SLC7A14: variants seen among roughly 807,000 people sequenced by gnomAD.
SLC7A14 encodes solute carrier family 7 member 14.
SLC7A14 carries 37 observed loss-of-function variants against 60.2 expected under a neutral mutation model. That is an observed-to-expected ratio of 0.61 (90% CI 0.47 to 0.81). SLC7A14 has a LOEUF of 0.81. Ranked by LOEUF, SLC7A14 falls within the 30% of genes least tolerant of loss-of-function variation. SLC7A14 has a pLI of 0.00. For synonymous variants in SLC7A14, 399 were observed against 395.8 expected, an observed-to-expected ratio of 1.01 and a Z score of -0.10; for missense variants, 886 against 982.7, an observed-to-expected ratio of 0.90 and a Z score of 1.32.
At chr3:170,485,983 G>C (rs1303128807) in intron 5 of SLC7A14, among the ~76,000 whole-genome samples, 2 of 152,188 alleles carry the variant, frequency 1.3e-5, no homozygotes, top group Non-Finnish European at 2.9e-5. Flanking sequence ...GACACCAAGA[G>C]CTTGTGAGGA....
intron 2 of SLC7A14, among the ~76,000 whole-genome samples, chr3:170,503,404 T>A (rs1016354832): frequency 1.3e-5 from 2 of 152,118 alleles, no homozygotes; most frequent in Non-Finnish European, 2.9e-5. Context: ...ACGCATTAAA[T>A]ACAAGAACCT....
intron 7 of SLC7A14, among the ~76,000 whole-genome samples, chr3:170,470,254 ATG>A (rs1316390531): frequency 4.6e-5 from 7 of 151,256 alleles, no homozygotes; most frequent in Non-Finnish European, 8.8e-5. Context: ...TGCAGTAAAC[ATG>A]TGATAAGAGG....
At chr3:170,474,641 C>A (rs1421029226) in intron 7 of SLC7A14, among the ~76,000 whole-genome samples, 1 of 152,152 alleles carries the variant, frequency 6.6e-6, no homozygotes, top group African/African-American at 2.4e-5. Context: ...CAATTCATTG[C>A]TCTTTCTTTC....
At chr3:170,497,016 G>C (rs1250840290) in intron 4 of SLC7A14, among the ~76,000 whole-genome samples, 1 of 150,452 alleles carries the variant, frequency 6.6e-6, no homozygotes, top group Non-Finnish European at 1.5e-5. Flanking sequence ...CAGCCCACGC[G>C]CGGGGGAGTT....
chr3:170,511,592 A>T (rs956705373), intron 2 of SLC7A14, among the ~76,000 whole-genome samples: 1 of 152,120 alleles, frequency 6.6e-6, no homozygotes, highest in Non-Finnish European at 1.5e-5. Context: ...GTGGGAGCTT[A>T]GGGCCATTAT....
chr3:170,570,319 A>T (rs1714910579), intron 1 of SLC7A14: 1 of 152,412 alleles, frequency 6.6e-6, no homozygotes, highest in East Asian at 1.9e-4. Flanking sequence ...GTGGTGGCGC[A>T]TGCCTGTAGT....
chr3:170,498,852 C>T lies in SLC7A14; in HGVS notation c.574G>A (p.Ala192Thr), dbSNP rs199583232. 3 of 1,614,048 alleles carry T rather than the reference C, an allele frequency of 1.9e-6. No homozygotes were observed. Among genetic ancestry groups the T allele is most frequent in the Non-Finnish European group, 2.5e-6 (3 of 1,180,014 alleles). Residue 192 changes from alanine (A) to threonine (T), a missense_variant, in exon 4 of 8, where the codon GCT becomes ACT. Ala to Thr is a moderately conservative substitution (Grantham distance 58). Coordinates refer to ENST00000231706, the MANE Select transcript of SLC7A14 (RefSeq NM_020949.3). ...KGEESYPDLLALLIAVIVTII... is the reference protein window; with the variant it reads ...KGEESYPDLLTLLIAVIVTII... Reference sequence around the variant, plus strand: ...GTCACGATGACCGCGATCAACAGAGCCAGAAGGTCTGGGTATGATTCTTCA... The same window carrying T: ...GTCACGATGACCGCGATCAACAGAGTCAGAAGGTCTGGGTATGATTCTTCA...
intron 1 of SLC7A14, among the ~76,000 whole-genome samples, chr3:170,557,900 T>C (rs1321101648): frequency 6.6e-6 from 1 of 152,192 alleles, no homozygotes; most frequent in Non-Finnish European, 1.5e-5. Flanking sequence ...GCAAGACTTA[T>C]GACTCCGAAT....
Position 170,553,682 on chromosome 3 carries a change from G to A in SLC7A14, c.-152-26594C>T, listed in dbSNP as rs1024667984. Among the ~76,000 whole-genome samples, 17 of 152,288 alleles carry A rather than the reference G, an allele frequency of 1.1e-4. 1 individual carries two copies. Among genetic ancestry groups the A allele is most frequent in the African/African-American group, 1.2e-4 (5 of 41,564 alleles). ...TTGAAGAAGTCCTAGGACCTAAAAG[G>A]AGCCATAGTGCAGGGGCTTCTGAAA... On this transcript the variant is annotated intron_variant, in intron 1 of 7. Coordinates refer to ENST00000231706, the MANE Select transcript of SLC7A14 (RefSeq NM_020949.3).
chr3:170,483,213 A>G, intron 6 of SLC7A14, 101 bp downstream of exon 6: 1 of 1,355,554 alleles, frequency 7.4e-7, no homozygotes, highest in Non-Finnish European at 1.0e-6. Context: ...TCCATGTGAA[A>G]GGCACTGATG....
intron 1 of SLC7A14, among the ~76,000 whole-genome samples, chr3:170,559,633 C>T (rs1400471868): frequency 6.6e-6 from 1 of 152,132 alleles, no homozygotes; most frequent in Non-Finnish European, 1.5e-5. Flanking sequence ...AATTAAATGC[C>T]ACAGTTTTTC....
chr3:170,555,000 C>G (rs1714449142), intron 1 of SLC7A14, among the ~76,000 whole-genome samples: 1 of 151,918 alleles, frequency 6.6e-6, no homozygotes. Context: ...AACCCCATCT[C>G]TACTAAAAAC....
intron 1 of SLC7A14, among the ~76,000 whole-genome samples, chr3:170,542,469 A>G (rs556521938): frequency 1.3e-5 from 2 of 152,282 alleles, no homozygotes; most frequent in African/African-American, 2.4e-5. Flanking sequence ...CTTGTCAACC[A>G]TTGGCCTTCC....
At position 170,462,472 on chromosome 3, in the gene SLC7A14, T is replaced by G. The variant is rs1012945950; in HGVS notation, c.*4583A>C. The G allele has an allele frequency of 2.0e-5, 3 of 152,216 alleles. No individual in the cohort carries two copies. Among genetic ancestry groups the G allele is most frequent in the African/African-American group, 7.2e-5 (3 of 41,450 alleles). The allele number at this position is 152,216 out of a possible 1,614,324, so 9.4% of individuals were successfully genotyped here. On this transcript the variant is annotated 3_prime_UTR_variant, in exon 8 of 8. Coordinates refer to ENST00000231706, the MANE Select transcript of SLC7A14 (RefSeq NM_020949.3). ...TTTATATTCTGGCTGACCTATAGATTCTGAAGAAGGATGGATTGTTAAATT... is the reference window on the plus strand; with the variant it reads ...TTTATATTCTGGCTGACCTATAGATGCTGAAGAAGGATGGATTGTTAAATT...
chr3:170,569,187 C>T (rs1384983822), intron 1 of SLC7A14, among the ~76,000 whole-genome samples: 2 of 152,134 alleles, frequency 1.3e-5, no homozygotes, highest in African/African-American at 4.8e-5. Context: ...TACATCCCAT[C>T]AATACCTAAT....
intron 4 of SLC7A14, among the ~76,000 whole-genome samples, chr3:170,487,661 T>C (rs752851500): frequency 6.6e-6 from 1 of 152,164 alleles, no homozygotes; most frequent in Non-Finnish European, 1.5e-5. Flanking sequence ...TTCTCAAACC[T>C]TCAGAAGCAA....
At chr3:170,560,657 A>G (rs1401651698) in intron 1 of SLC7A14, among the ~76,000 whole-genome samples, 1 of 152,214 alleles carries the variant, frequency 6.6e-6, no homozygotes, top group East Asian at 1.9e-4. Flanking sequence ...TAATCCGTAC[A>G]TAATGGACCA....
In SLC7A14 at chr3:170,532,110, T is replaced by TC. The variant is rs1293954146; in HGVS notation, c.-152-5023dup. Among the ~76,000 whole-genome samples, 3 of 152,160 alleles carry TC rather than the reference T, an allele frequency of 2.0e-5. No homozygotes were observed. Among genetic ancestry groups the TC allele is most frequent in the African/African-American group, 7.2e-5 (3 of 41,432 alleles). Reference sequence around the variant, plus strand: ...ACTACAAAAATCCCTCATGACACACTCGATGAGTAGTTGTCCAGCTTTTTC... The same window carrying TC: ...ACTACAAAAATCCCTCATGACACACTCCGATGAGTAGTTGTCCAGCTTTTTC... On this transcript the variant is annotated intron_variant, in intron 1 of 7. Transcript: ENST00000231706. The surrounding 1 kb of genome is among the most constrained non-coding windows in gnomAD (Gnocchi z 4.0).
At chr3:170,526,557 C>T (rs766996606) in intron 2 of SLC7A14, 76 bp downstream of exon 2, 41 of 1,533,272 alleles carry the variant, frequency 2.7e-5, no homozygotes, top group Admixed American at 2.5e-4. Context: ...ACTAAATACT[C>T]CGGAGAAAGG....
Sources: allele counts gnomAD v4.1 joint callset (sites outside exome capture counted in the v4.1 genomes callset), GRCh38; gene constraint gnomAD v4.1.1; non-coding constraint Gnocchi (gnomAD v3.1); transcripts MANE v1.5; gene names NCBI Gene and HGNC (gene_info 2026-07-23, HGNC 2026-07-21).